CFAP65: variants seen among roughly 807,000 people sequenced by gnomAD.
The protein encoded by CFAP65 is cilia and flagella associated protein 65.
CFAP65 carries 155 observed loss-of-function variants against 208.0 expected under a neutral mutation model. The ratio of observed to expected loss-of-function variants is 0.75; its 90% CI spans 0.65 to 0.85. CFAP65 has a LOEUF of 0.85. Ranked by LOEUF, CFAP65 falls within the 40% of genes least tolerant of loss-of-function variation. The probability of loss-of-function intolerance (pLI) is 0.00; values close to 1 mark genes in which losing one functional copy is unlikely to be tolerated. For missense variants in CFAP65, 2,294 were observed against 2,451.3 expected, an observed-to-expected ratio of 0.94 and a Z score of 1.36; for synonymous variants, 970 against 986.3, an observed-to-expected ratio of 0.98 and a Z score of 0.31.
chr2:219,009,751 T>G (rs1574533011), intron 27 of CFAP65, among the ~76,000 whole-genome samples, 191 bp downstream of exon 27: 2 of 41,416 alleles, frequency 4.8e-5, no homozygotes, highest in Non-Finnish European at 8.7e-5. Flanking sequence ...TGGGATGGGA[T>G]GGAGTGGGGT....
chr2:219,004,514 C>A lies in CFAP65; in HGVS notation c.5052-59G>T. ...GAGGGGCCCTGAAGCCCCTGGGGAG[C>A]CCTGGCTTCAGAGCTAGGTTCTAGG... is the stretch of plus-strand genomic sequence containing the variant. On this transcript the variant is annotated intron_variant, in intron 32 of 34. Transcript: ENST00000341552. The surrounding 1 kb of genome is among the most constrained non-coding windows in gnomAD (Gnocchi z 4.7). 1 of 1,532,582 alleles carries A rather than the reference C, an allele frequency of 6.5e-7. No individual in the cohort carries two copies. Among genetic ancestry groups the A allele is most frequent in the Non-Finnish European group, 8.7e-7 (1 of 1,144,052 alleles). 94.9% of individuals were successfully genotyped at this position (1,532,582 alleles called of 1,614,324 possible).
At position 219,023,249 on chromosome 2, in the gene CFAP65, A is replaced by G; in HGVS notation, c.2778T>C (p.Ala926=). The change falls in exon 16 of 35, where the codon GCT becomes GCC. Residue 926 remains alanine, a synonymous_variant. Transcript: ENST00000341552. The part of the protein sequence containing the change: ...RVSEQHRKLL[A]VQPSRGLIQP... The stretch of plus-strand genomic sequence containing the variant: ...GGATTAGCCCCCTGGAGGGCTGGAC[A>G]GCCAGCAGCTTTCGATGCTGCTCAG... The G allele has an allele frequency of 6.2e-7, 1 of 1,612,952 alleles. No individual in the cohort carries two copies. The highest frequency in any genetic ancestry group is 1.7e-5 in the Admixed American group (1 of 60,016).
chr2:219,019,170 C>T lies in CFAP65; in HGVS notation c.3483G>A (p.Gln1161=), dbSNP rs377383046. 2 of 1,612,260 alleles carry T rather than the reference C, an allele frequency of 1.2e-6. No individual in the cohort carries two copies. Among genetic ancestry groups the T allele is most frequent in the Non-Finnish European group, 1.7e-6 (2 of 1,178,886 alleles). The change falls in exon 21 of 35, where the codon CAG becomes CAA. Residue 1161 remains glutamine (Q), a synonymous_variant. Coordinates refer to ENST00000341552, the MANE Select transcript of CFAP65 (RefSeq NM_194302.4). ...YKVPTRHSMS[Q]IPPVLTPLRL... ...TTAAAGGGGTGAGGACGGGGGGGAT[C>T]TGGCTCATGCTGTGAGGAACAGAGA...
In CFAP65 at chr2:219,004,411, C is replaced by A. The variant is rs144291969; in HGVS notation, c.5096G>T (p.Ser1699Ile). The stretch of plus-strand genomic sequence containing the variant: ...GAAGTACGGCACCTGCTCCACCAGG[C>A]TTTGGTCCACAGCCTCATGGAAGTT... ...DKNFHEAVDQSLVEQVPYFRQ... is the reference protein window; with the variant it reads ...DKNFHEAVDQILVEQVPYFRQ... Residue 1699 changes from serine (S) to isoleucine (I), a missense_variant, in exon 33 of 35, where the codon AGC becomes ATC. Physicochemically the swap from Ser to Ile is moderately radical, Grantham distance 142. Around this residue, in one of 2 missense-constraint regions of CFAP65, gnomAD observed 1,427 missense variants for 1,438.7 expected, o/e 0.99. Transcript: ENST00000341552. This position sits in a 1 kb window ranked among gnomAD's most constrained non-coding sequence, Gnocchi z 4.7. 1.2e-6 allele frequency: 2 copies of A among 1,613,554 alleles called. No homozygotes were observed. The highest frequency in any genetic ancestry group is 1.3e-5 in the African/African-American group (1 of 75,060).
intron 13 of CFAP65, 142 bp downstream of exon 13, chr2:219,027,508 G>C (rs774208588): frequency 6.2e-6 from 10 of 1,601,792 alleles, no homozygotes; most frequent in Non-Finnish European, 8.5e-6. Flanking sequence ...AAACTCATAG[G>C]GGTCACTGTC....
Position 219,029,415 on chromosome 2 carries a change from G to A in CFAP65, c.1638C>T (p.Leu546=), listed in dbSNP as rs757444460. ...CCCCACGACTCACCTGGTGGTGGAT[G>A]AGACAGGCCACACGCCGAAAGCAGA... ...PIICFRRVAC[L]IHHQDPLFLD... is the part of the protein sequence containing the mutation. Residue 546 remains leucine (L), a synonymous_variant, in exon 11 of 35, where the codon CTC becomes CTT. Coordinates refer to ENST00000341552, the MANE Select transcript of CFAP65 (RefSeq NM_194302.4). 1.2e-6 allele frequency: 2 copies of A among 1,613,066 alleles called. No homozygotes were observed. Among genetic ancestry groups the A allele is most frequent in the East Asian group, 2.2e-5 (1 of 44,850 alleles).
At chr2:219,021,690 C>T (rs1329562864) in intron 18 of CFAP65, 90 bp downstream of exon 18, 17 of 1,414,190 alleles carry the variant, frequency 1.2e-5, no homozygotes, top group African/African-American at 2.8e-5. Context: ...GGACTACAGG[C>T]GCGTGCCAGT....
chr2:219,034,105 A>G (rs983509252), intron 5 of CFAP65: 4 of 152,258 alleles, frequency 2.6e-5, no homozygotes, highest in African/African-American at 9.6e-5. Flanking sequence ...GAGACAGGAA[A>G]GATAACCTAA....
rs1413774346 is a variant in CFAP65 at position 219,032,780 on chromosome 2, A to G, written c.543-208T>C. 6.6e-6 allele frequency among the ~76,000 whole-genome samples: 1 copy of G among 152,004 alleles called. No individual in the cohort carries two copies. The highest frequency in any genetic ancestry group is 1.5e-5 in the Non-Finnish European group (1 of 68,000). The stretch of plus-strand genomic sequence containing the variant: ...CCTCCTCCCCCTCCTATTCTCAGAG[A>G]TCTTCACTCTGAACAAAAGGGGAGT... On this transcript the variant is annotated intron_variant, in intron 5 of 34. Transcript: ENST00000341552. This position sits in a 1 kb window ranked among gnomAD's most constrained non-coding sequence, Gnocchi z 5.5.
chr2:219,008,161 C>A (rs943354825), intron 29 of CFAP65, among the ~76,000 whole-genome samples: 1 of 152,080 alleles, frequency 6.6e-6, no homozygotes, highest in Non-Finnish European at 1.5e-5. Flanking sequence ...AAATTTCAAA[C>A]GTATACAAAA....
In CFAP65 at chr2:219,030,760, G is replaced by C. The variant is rs1411205630; in HGVS notation, c.1090C>G (p.Leu364Val). The change falls in exon 9 of 35, where the codon CTG (leucine) becomes GTG (valine). Residue 364 changes from leucine to valine, a missense_variant. By Grantham distance (32) the Leu-to-Val change is conservative. Around this residue, in one of 2 missense-constraint regions of CFAP65, gnomAD observed 867 missense variants for 1,012.6 expected, o/e 0.86. Transcript: ENST00000341552. ...ACAGCAACAGAGCCAAAGTACAACA[G>C]CTTCTGGAAGCCCTCGGCATCCTGG... ...EDQDAEGFQK[L>V]LYFGSVAVGC... The C allele has an allele frequency of 6.2e-7, 1 of 1,614,076 alleles. No homozygotes were observed. The highest frequency in any genetic ancestry group is 8.5e-7 in the Non-Finnish European group (1 of 1,180,034).
In CFAP65 at chr2:219,029,035, A is replaced by G. The variant is rs558659254; in HGVS notation, c.1650+368T>C. Among the ~76,000 whole-genome samples, 8 of 152,284 alleles carry G rather than the reference A, an allele frequency of 5.3e-5. No individual in the cohort carries two copies. The East Asian group carries it at 1.5e-3, about 29-fold the overall frequency. On this transcript the variant is annotated intron_variant, in intron 11 of 34. Transcript: ENST00000341552. The stretch of plus-strand genomic sequence containing the variant: ...GAAAGCTCTCTGCCCTATGCATGCT[A>G]TGTGGGGTGGCTCCAGGGAAGAATT...
At chr2:219,036,385 C>G (rs1290709382) in intron 4 of CFAP65, among the ~76,000 whole-genome samples, 2 of 151,842 alleles carry the variant, frequency 1.3e-5, no homozygotes, top group East Asian at 3.9e-4. Flanking sequence ...GGAGGATGAA[C>G]TGGATGCCTC....
rs1948037465 is a variant in CFAP65, at chr2:219,031,562, G to A, written c.742C>T (p.Pro248Ser). Residue 248 changes from proline (P) to serine (S), a missense_variant, in exon 7 of 35, where the codon CCA becomes TCA. This residue lies in a region of CFAP65 where 867 missense variants were observed against 1,012.6 expected (regional missense o/e 0.86). Transcript: ENST00000341552. This position sits in a 1 kb window ranked among gnomAD's most constrained non-coding sequence, Gnocchi z 5.2. ...TLPCHRLICR[P>S]PSLQLPMCAV... The stretch of plus-strand genomic sequence containing the variant: ...CACATGGGCAGCTGCAGGGATGGTG[G>A]GCGGCAGATCAGCCTGTGGCAGGGC... 1.2e-6 allele frequency: 2 copies of A among 1,614,104 alleles called. No individual in the cohort carries two copies. Among genetic ancestry groups the A allele is most frequent in the Non-Finnish European group, 8.5e-7 (1 of 1,180,050 alleles).
chr2:219,032,501 G>GT lies in CFAP65; in HGVS notation c.613dup (p.Thr205AsnfsTer21). 6.2e-7 allele frequency: 1 copy of GT among 1,604,774 alleles called. No homozygotes were observed. Among genetic ancestry groups the GT allele is most frequent in the Non-Finnish European group, 8.5e-7 (1 of 1,175,808 alleles). On this transcript the variant is annotated frameshift_variant, in exon 6 of 35. Coordinates refer to ENST00000341552, the MANE Select transcript of CFAP65 (RefSeq NM_194302.4). LOFTEE classifies it high-confidence loss of function. This position sits in a 1 kb window ranked among gnomAD's most constrained non-coding sequence, Gnocchi z 5.5. ...CAGAGGCCGGAAGACGATGGGGAGC[G>GT]TGAGGGTTATGCCTGGGCTCAGGAA...
At chr2:219,005,873 T>A in intron 31 of CFAP65, 148 bp downstream of exon 31, 1 of 861,248 alleles carries the variant, frequency 1.2e-6, no homozygotes, top group South Asian at 1.7e-5. Flanking sequence ...TAATGGGGCA[T>A]CCTGGGCCCA....
At chr2:219,022,898 C>T (rs547368879) in intron 16 of CFAP65, among the ~76,000 whole-genome samples, 3 of 152,348 alleles carry the variant, frequency 2.0e-5, no homozygotes, top group South Asian at 4.1e-4. Flanking sequence ...AATGACCTCC[C>T]AGCTTTGGGG....
Position 219,009,447 on chromosome 2 carries a change from G to A in CFAP65, c.4466C>T (p.Pro1489Leu). 1 of 1,611,568 alleles carries A rather than the reference G, an allele frequency of 6.2e-7. No homozygotes were observed. The highest frequency in any genetic ancestry group is 1.1e-5 in the South Asian group (1 of 91,046). The change falls in exon 28 of 35, where the codon CCC (proline) becomes CTC (leucine). Residue 1489 changes from proline (P) to leucine (L), a missense_variant. Transcript: ENST00000341552. ...PLDFGEVSVS[P>L]MIGVVAPEET... is the part of the protein sequence containing the mutation. ...TTCAGGAGCCACCACCCCTATCATG[G>A]GACTCACAGACACCTGTTGATTTGG...
At chr2:219,011,133 G>T in intron 24 of CFAP65, 137 bp from the exon 25 acceptor site, 1 of 682,778 alleles carries the variant, frequency 1.5e-6, no homozygotes, top group East Asian at 2.7e-5. Flanking sequence ...CTCCCGTGTG[G>T]CTTGATCACT....
Sources: allele counts gnomAD v4.1 joint callset (sites outside exome capture counted in the v4.1 genomes callset), GRCh38; gene constraint gnomAD v4.1.1; regional missense constraint gnomAD v4.1.1; non-coding constraint Gnocchi (gnomAD v3.1); transcripts MANE v1.5; gene names NCBI Gene and HGNC (gene_info 2026-07-23, HGNC 2026-07-21).